Variants in PTPN5 observed in about 807,000 individuals in gnomAD.
The protein encoded by PTPN5 is tyrosine-protein phosphatase non-receptor type 5.
In PTPN5, 29 loss-of-function variants were observed where a neutral mutation model predicts 73.9. The observed-to-expected ratio is 0.39, with a 90% CI of 0.29 to 0.54. The LOEUF is 0.54. Among genes scored for constraint, PTPN5 ranks in the 20% least tolerant of loss-of-function variants. PTPN5 has a pLI of 0.65. For synonymous variants in PTPN5, 267 were observed against 304.7 expected (o/e 0.88, Z 1.29); for missense variants, 652 against 751.4 (o/e 0.87, Z 1.55).
intron 3 of PTPN5, among the ~76,000 whole-genome samples, chr11:18,762,222 G>A (rs1177347548): frequency 2.0e-5 from 3 of 152,148 alleles, no homozygotes; most frequent in Admixed American, 6.5e-5. Context: ...GCCCCCATCT[G>A]AAGGTGGGTG....
At chr11:18,749,398 C>G in intron 3 of PTPN5, 3 of 514,356 alleles carry the variant, frequency 5.8e-6, no homozygotes, top group South Asian at 2.8e-5. Context: ...TTTCCAGCAT[C>G]AAGTGATGTT....
chr11:18,748,780 C>A (rs114433890), intron 3 of PTPN5, among the ~76,000 whole-genome samples: 1 of 152,082 alleles, frequency 6.6e-6, no homozygotes, highest in African/African-American at 2.4e-5. Flanking sequence ...GCCGATTATA[C>A]GTCAAGCACT....
intron 3 of PTPN5, among the ~76,000 whole-genome samples, chr11:18,755,390 G>A (rs1850084207): frequency 1.3e-5 from 2 of 152,328 alleles, no homozygotes; most frequent in South Asian, 4.1e-4. Flanking sequence ...GGGGGATAAG[G>A]AATGTTGTTT....
rs561882142 is a variant in PTPN5 at position 18,758,477 on chromosome 11, G to GCTGAATGAGTGA, written c.97+7318_97+7329dup. On this transcript the variant is annotated intron_variant, in intron 3 of 14. Transcript: ENST00000358540. ...CCCAGCACAGAATGAGGTGTGTTCA[G>GCTGAATGAGTGA]CTGAATGAGTGACCTCAGCTGATGC... Among the ~76,000 whole-genome samples the GCTGAATGAGTGA allele has an allele frequency of 2.3e-3, 344 of 152,264 alleles. 2 individuals carry two copies. The highest frequency in any genetic ancestry group is 0.02 in the Admixed American group (308 of 15,300).
chr11:18,761,000 G>A lies in PTPN5; in HGVS notation c.97+4807C>T, dbSNP rs140078832. Among the ~76,000 whole-genome samples, 467 of 152,388 alleles carry A rather than the reference G, an allele frequency of 3.1e-3. 1 individual carries two copies. The highest frequency in any genetic ancestry group is 0.01 in the Middle Eastern group (3 of 294). On this transcript the variant is annotated intron_variant, in intron 3 of 14. Transcript: ENST00000358540. ...CTCCTGCTTACGCATCTTCAGGTTT[G>A]AGGGGTGGCCAAGGAGTAGCTATTA...
intron 1 of PTPN5, among the ~76,000 whole-genome samples, chr11:18,775,668 C>A (rs1162835445): frequency 6.6e-6 from 1 of 152,200 alleles, no homozygotes; most frequent in Non-Finnish European, 1.5e-5. Flanking sequence ...GCCCAGGGCC[C>A]AGAAGCCATG....
chr11:18,733,770 A>C lies in PTPN5; in HGVS notation c.1001-135T>G. ...CTTCCTTCCCTTGCCCAGCAGCAAAACATTGACCCATTCATGGTTCATTTT... is the reference window on the plus strand; with the variant it reads ...CTTCCTTCCCTTGCCCAGCAGCAAACCATTGACCCATTCATGGTTCATTTT... On this transcript the variant is annotated intron_variant, in intron 9 of 14. Transcript: ENST00000358540. This position sits in a 1 kb window ranked among gnomAD's most constrained non-coding sequence, Gnocchi z 4.3. The C allele has an allele frequency of 1.3e-6, 1 of 768,978 alleles. No individual in the cohort carries two copies. Among genetic ancestry groups the C allele is most frequent in the Admixed American group, 2.2e-5 (1 of 46,002 alleles). The allele number at this position is 768,978 out of a possible 1,614,324, so 47.6% of individuals were successfully genotyped here. A position where few individuals can be genotyped will look rare whatever the true frequency, so the allele number is the denominator to read the frequency against.
chr11:18,732,776 A>G, intron 11 of PTPN5, 74 bp from the exon 12 acceptor site: 3 of 1,272,538 alleles, frequency 2.4e-6, no homozygotes, highest in Non-Finnish European at 3.4e-6. Flanking sequence ...CTTCAGGGCC[A>G]GCGGAGAGAT....
intron 3 of PTPN5, among the ~76,000 whole-genome samples, chr11:18,753,900 A>G (rs1241715296): frequency 6.6e-6 from 1 of 152,216 alleles, no homozygotes; most frequent in African/African-American, 2.4e-5. Flanking sequence ...TGTTGAGTAA[A>G]AAGAACAAGA....
chr11:18,763,221 G>A (rs1010163119), intron 3 of PTPN5, among the ~76,000 whole-genome samples: 14 of 152,198 alleles, frequency 9.2e-5, no homozygotes, highest in African/African-American at 2.7e-4. Context: ...GCACAGGGAC[G>A]TTGTCTACCT....
chr11:18,756,006 A>T (rs1850118368), intron 3 of PTPN5, among the ~76,000 whole-genome samples: 1 of 151,290 alleles, frequency 6.6e-6, no homozygotes, highest in Non-Finnish European at 1.5e-5. Context: ...TCTAAATAAA[A>T]AAAAAAAAAA....
chr11:18,729,792 C>T lies in PTPN5; in HGVS notation c.1356G>A (p.Lys452=). The change falls in exon 13 of 15, where the codon AAG becomes AAA. Residue 452 remains lysine (K), a synonymous_variant. Transcript: ENST00000358540. This position sits in a 1 kb window ranked among gnomAD's most constrained non-coding sequence, Gnocchi z 5.2. ...CGGGCCAGGATGTGAACCAGTAATGCTTCAGGCCTCGCTCCTCAGTCCCAC... is the reference window on the plus strand; with the variant it reads ...CGGGCCAGGATGTGAACCAGTAATGTTTCAGGCCTCGCTCCTCAGTCCCAC... ...LKSGTEERGL[K]HYWFTSWPDQ... is the part of the protein sequence containing the mutation. The T allele has an allele frequency of 1.2e-6, 2 of 1,613,846 alleles. No individual in the cohort carries two copies. The highest frequency in any genetic ancestry group is 1.1e-5 in the South Asian group (1 of 91,048).
chr11:18,787,475 C>T (rs912119057), intron 1 of PTPN5, among the ~76,000 whole-genome samples: 3 of 152,160 alleles, frequency 2.0e-5, no homozygotes, highest in African/African-American at 4.8e-5. Context: ...GGTCTATAGG[C>T]CCTTACATGA....
chr11:18,761,360 AGGAGT>A (rs1360695810), intron 3 of PTPN5, among the ~76,000 whole-genome samples: 1 of 152,190 alleles, frequency 6.6e-6, no homozygotes, highest in African/African-American at 2.4e-5. Flanking sequence ...GGATGGGGGA[AGGAGT>A]GGAGTCCCCA....
intron 3 of PTPN5, among the ~76,000 whole-genome samples, chr11:18,758,721 G>A (rs540351092): frequency 6.6e-6 from 1 of 152,014 alleles, no homozygotes; most frequent in African/African-American, 2.4e-5. Context: ...GAGAGCTGGG[G>A]TGATTTGTCC....
At chr11:18,779,860 G>T (rs1291939785) in intron 1 of PTPN5, among the ~76,000 whole-genome samples, 1 of 152,186 alleles carries the variant, frequency 6.6e-6, no homozygotes, top group African/African-American at 2.4e-5. Flanking sequence ...CTCCACAAGG[G>T]GCCTTGGGTC....
chr11:18,775,919 G>GC (rs1400228640), intron 1 of PTPN5, among the ~76,000 whole-genome samples: 8 of 152,212 alleles, frequency 5.3e-5, no homozygotes, highest in Middle Eastern at 3.2e-3. Flanking sequence ...AGCCCAACCT[G>GC]CAAGCATGTC....
intron 1 of PTPN5, among the ~76,000 whole-genome samples, chr11:18,774,582 G>A (rs1851056784): frequency 6.6e-6 from 1 of 152,218 alleles, no homozygotes; most frequent in Admixed American, 6.5e-5. Context: ...GGTGGGATGG[G>A]AGCAGGAAAA....
chr11:18,768,904 T>C (rs1167906660), intron 2 of PTPN5, among the ~76,000 whole-genome samples: 1 of 152,040 alleles, frequency 6.6e-6, no homozygotes, highest in Non-Finnish European at 1.5e-5. Context: ...TAGCTGCTTT[T>C]ATTGGATTGC....
Sources: allele counts gnomAD v4.1 joint callset (sites outside exome capture counted in the v4.1 genomes callset), GRCh38; gene constraint gnomAD v4.1.1; non-coding constraint Gnocchi (gnomAD v3.1); transcripts MANE v1.5; gene names NCBI Gene and HGNC (gene_info 2026-07-23, HGNC 2026-07-21).